PLEC: variants seen among roughly 807,000 people sequenced by gnomAD.
PLEC encodes plectin, also known as hemidesmosomal protein 1.
In PLEC, 216 loss-of-function variants were observed where a neutral mutation model predicts 392.8. That is an observed-to-expected ratio of 0.55 (90% CI 0.49 to 0.62). PLEC has a LOEUF of 0.62. Ranked by LOEUF, PLEC falls within the 20% of genes least tolerant of loss-of-function variation. The pLI, the probability that PLEC is intolerant of heterozygous loss-of-function variation, is 0.00. For synonymous variants in PLEC, 3,621 were observed against 2,980.6 expected, an observed-to-expected ratio of 1.21 and a Z score of -7.00; for missense variants, 6,863 against 6,563.4, an observed-to-expected ratio of 1.05 and a Z score of -1.58.
rs1470554282 is a variant in PLEC, at chr8:143,950,336, C to T, written c.371G>A (p.Gly124Asp). The change falls in exon 1 of 32, where the codon GGC (glycine) becomes GAC (aspartate). Residue 124 changes from glycine (G) to aspartate (D), a missense_variant. Gly to Asp is a moderately conservative substitution (Grantham distance 94, BLOSUM62 -1). Coordinates refer to the PLEC transcript ENST00000322810. ...CAGCGGCCCCCGCTTGGGTGGGGAG[C>T]CCAGGGGACCCTGCACAGCCTGCAC... 4 of 1,578,458 alleles carry T rather than the reference C, an allele frequency of 2.5e-6. No homozygotes were observed. In the African/African-American group the frequency reaches 4.0e-5, roughly 16 times the overall value.
At chr8:143,974,740 C>T (rs1554745466), upstream of PLEC, among the ~76,000 whole-genome samples, 2 of 152,236 alleles carry the variant, frequency 1.3e-5, no homozygotes, top group Non-Finnish European at 1.5e-5. The surrounding 1 kb of genome is among the most constrained non-coding windows in gnomAD (Gnocchi z 5.9). Context: ...CATCGTTCTC[C>T]CTGGATGGGG....
chr8:143,929,382 G>A, intron 24 of PLEC, 32 bp downstream of exon 24: 5 of 1,528,060 alleles, frequency 3.3e-6, no homozygotes, highest in South Asian at 2.3e-5. Flanking sequence ...TGGGGAGAGG[G>A]ATGGGACTGG....
chr8:143,937,634 A>C, intron 3 of PLEC: 1 of 495,700 alleles, frequency 2.0e-6, no homozygotes, highest in Non-Finnish European at 3.9e-6. Flanking sequence ...CCAACCACCT[A>C]CCCGCCCAAG....
upstream of PLEC, among the ~76,000 whole-genome samples, chr8:143,973,689 G>C (rs1431472643): frequency 2.0e-5 from 3 of 150,480 alleles, no homozygotes; most frequent in African/African-American, 7.3e-5. This position sits in a 1 kb window ranked among gnomAD's most constrained non-coding sequence, Gnocchi z 5.6. Flanking sequence ...GGTTCCGCGG[G>C]CTCCGAGTCC....
chr8:143,922,229 C>G lies in PLEC; in HGVS notation c.7592G>C (p.Arg2531Pro). The G allele has an allele frequency of 1.3e-6, 2 of 1,576,356 alleles. No individual in the cohort carries two copies. The highest frequency in any genetic ancestry group is 1.7e-6 in the Non-Finnish European group (2 of 1,164,038). Residue 2531 changes from arginine (R) to proline (P), a missense_variant, in exon 32 of 32, where the codon CGT becomes CCT. Arg to Pro is a moderately radical substitution (Grantham distance 103). Transcript: ENST00000345136. The part of the protein sequence containing the change: ...QDEVAKAQQL[R>P]EEQQRQQQQM... ...CTGCTGCTGCCGCTGCTGCTCCTCACGCAGCTGCTGTGCCTTGGCCACCTC... is the reference window on the plus strand; with the variant it reads ...CTGCTGCTGCCGCTGCTGCTCCTCAGGCAGCTGCTGTGCCTTGGCCACCTC...
chr8:143,916,184 A>G lies in PLEC; in HGVS notation c.13637T>C (p.Val4546Ala). 6.5e-7 allele frequency: 1 copy of G among 1,539,848 alleles called. No homozygotes were observed. Among genetic ancestry groups the G allele is most frequent in the Non-Finnish European group, 8.7e-7 (1 of 1,142,994 alleles). ...GGGTGGGCGCAGGCAGCCTCAGGCC[A>G]CGGCAGACTCAGGGCCCCCCAGGGA... ...SASLGGPESAVA is the reference protein window; with the variant it reads ...SASLGGPESAAA The change falls in exon 32 of 32, where the codon GTG becomes GCG. Residue 4546 changes from valine (V) to alanine (A), a missense_variant. Physicochemically the swap from Val to Ala is moderately conservative, Grantham distance 64 (BLOSUM62 0). Transcript: ENST00000345136.
At position 143,918,578 on chromosome 8, in the gene PLEC, A is replaced by G. The variant is rs781886530; in HGVS notation, c.11243T>C (p.Val3748Ala). 9.3e-6 allele frequency: 15 copies of G among 1,612,066 alleles called. No homozygotes were observed. The highest frequency in any genetic ancestry group is 1.3e-5 in the Non-Finnish European group (15 of 1,179,828). Reference protein sequence around the residue: ...KGERLTVDEAVRKGLVGPELH... With the variant: ...KGERLTVDEAARKGLVGPELH... ...CTCGGGCCCCACGAGGCCCTTCCGC[A>G]CAGCCTCATCCACAGTCAGCCGCTC... Residue 3748 changes from valine (V) to alanine (A), a missense_variant, in exon 32 of 32, where the codon GTG (valine) becomes GCG (alanine). By Grantham distance (64) the Val-to-Ala change is moderately conservative. Transcript: ENST00000345136.
In PLEC at chr8:143,922,408, A is replaced by G; in HGVS notation, c.7426-13T>C. 1 of 1,600,800 alleles carries G rather than the reference A, an allele frequency of 6.2e-7. No individual in the cohort carries two copies. Among genetic ancestry groups the G allele is most frequent in the South Asian group, 1.1e-5 (1 of 91,070 alleles). On this transcript the variant is annotated splice_polypyrimidine_tract_variant and intron_variant, in intron 31 of 31. Coordinates refer to ENST00000345136, the MANE Select transcript of PLEC (RefSeq NM_201384.3). The stretch of plus-strand genomic sequence containing the variant: ...GCACCGTCTGCATCTGCAGAAGAAG[A>G]GGGTGTGATCAGGGACCGCCAGCCC...
At position 143,932,888 on chromosome 8, in the gene PLEC, G is replaced by A. The variant is rs781930375; in HGVS notation, c.1642C>T (p.Leu548=). 1 of 1,612,534 alleles carries A rather than the reference G, an allele frequency of 6.2e-7. No individual in the cohort carries two copies. Among genetic ancestry groups the A allele is most frequent in the Non-Finnish European group, 8.5e-7 (1 of 1,179,900 alleles). The stretch of plus-strand genomic sequence containing the variant: ...CCCAGCTGCGCCTCCACGCTGGGCA[G>A]GTCCACACCCCACTCAGCGCCATCC... ...RVDGAEWGVD[L]PSVEAQLGSH... is the part of the protein sequence containing the mutation. The change falls in exon 14 of 32, where the codon CTG becomes TTG. Residue 548 remains leucine (L), a synonymous_variant. Coordinates refer to ENST00000345136, the MANE Select transcript of PLEC (RefSeq NM_201384.3).
rs1554720574 is a variant in PLEC, at chr8:143,934,321, T to G, written c.1166A>C (p.Glu389Ala). Residue 389 changes from glutamate (E) to alanine (A), a missense_variant, in exon 11 of 32, where the codon GAG (glutamate) becomes GCG (alanine). By Grantham distance (107) the Glu-to-Ala change is moderately radical. Coordinates refer to ENST00000345136, the MANE Select transcript of PLEC (RefSeq NM_201384.3). ...EREKQLRSEF[E>A]RLECLQRIVT... ...GCCACCACAGGGCCCCACCCACCTC[T>G]CAAACTCGCTGCGGAGCTGCTTCTC... 2 of 1,611,998 alleles carry G rather than the reference T, an allele frequency of 1.2e-6. No homozygotes were observed. Among genetic ancestry groups the G allele is most frequent in the South Asian group, 2.2e-5 (2 of 91,072 alleles).
intron 1 of PLEC, among the ~76,000 whole-genome samples, chr8:143,949,916 G>A (rs1032348015): frequency 6.6e-6 from 1 of 152,150 alleles, no homozygotes; most frequent in African/African-American, 2.4e-5. Context: ...TGGAGAGAGG[G>A]GAGGGGGCGC....
rs1054609480 is a variant in PLEC, at chr8:143,969,646, C to A, written c.70+3757G>T. 6.6e-6 allele frequency among the ~76,000 whole-genome samples: 1 copy of A among 151,994 alleles called. No homozygotes were observed. The highest frequency in any genetic ancestry group is 2.1e-4 in the South Asian group (1 of 4,816). Reference sequence around the variant, plus strand: ...AGGCGGTCAGTGAAGAAAGAAAGAGCGGCCCAGCAGCAGTCCAGCGTTGTG... The same window carrying A: ...AGGCGGTCAGTGAAGAAAGAAAGAGAGGCCCAGCAGCAGTCCAGCGTTGTG... On this transcript the variant is annotated intron_variant, in intron 1 of 31. Coordinates refer to the PLEC transcript ENST00000356346. The surrounding 1 kb of genome is among the most constrained non-coding windows in gnomAD (Gnocchi z 5.1).
chr8:143,929,973 C>A lies in PLEC; in HGVS notation c.2702G>T (p.Arg901Leu). 6.2e-7 allele frequency: 1 copy of A among 1,611,454 alleles called. No homozygotes were observed. The highest frequency in any genetic ancestry group is 8.5e-7 in the Non-Finnish European group (1 of 1,179,556). Residue 901 changes from arginine to leucine, a missense_variant, in exon 22 of 32, where the codon CGC becomes CTC. By Grantham distance (102) the Arg-to-Leu change is moderately radical. Coordinates refer to ENST00000345136, the MANE Select transcript of PLEC (RefSeq NM_201384.3). ...KSLLAWQSLR[R>L]DVQLIRSWSL... Reference sequence around the variant, plus strand: ...CCAGGAGCGGATGAGCTGCACGTCGCGGCGAAGGCTCTGCCAGGCCAGAAG... The same window carrying A: ...CCAGGAGCGGATGAGCTGCACGTCGAGGCGAAGGCTCTGCCAGGCCAGAAG...
chr8:143,916,752 A>G lies in PLEC; in HGVS notation c.13069T>C (p.Cys4357Arg), dbSNP rs1820704216. 14 of 1,613,252 alleles carry G rather than the reference A, an allele frequency of 8.7e-6. No individual in the cohort carries two copies. In the East Asian group the frequency reaches 2.9e-4, roughly 33 times the overall value. ...TTGGTGCGTGGGTCCTCGAAGCCGCAGAAGGCCTTCTGGGCCAGGTTGATG... is the reference window on the plus strand; with the variant it reads ...TTGGTGCGTGGGTCCTCGAAGCCGCGGAAGGCCTTCTGGGCCAGGTTGATG... ...DRINLAQKAF[C>R]GFEDPRTKTK... The change falls in exon 32 of 32, where the codon TGC (cysteine) becomes CGC (arginine). Residue 4357 changes from cysteine to arginine, a missense_variant. Transcript: ENST00000345136.
At position 143,969,809 on chromosome 8, in the gene PLEC, G is replaced by T. The variant is rs936057413; in HGVS notation, c.70+3594C>A. ...GATGGGAGTGGGGCTTAGGGGTGCT[G>T]TGAGGTGGTCCTGGAGAGGGCAGCA... is the stretch of plus-strand genomic sequence containing the variant. On this transcript the variant is annotated intron_variant, in intron 1 of 31. Transcript: ENST00000356346. This position sits in a 1 kb window ranked among gnomAD's most constrained non-coding sequence, Gnocchi z 5.1. Among the ~76,000 whole-genome samples, 1 of 151,992 alleles carries T rather than the reference G, an allele frequency of 6.6e-6. No individual in the cohort carries two copies. Among genetic ancestry groups the T allele is most frequent in the Non-Finnish European group, 1.5e-5 (1 of 67,986 alleles).
Position 143,923,394 on chromosome 8 carries a change from G to A in PLEC, c.6535C>T (p.Arg2179Trp), listed in dbSNP as rs372371569. 4.3e-5 allele frequency: 69 copies of A among 1,610,440 alleles called. No individual in the cohort carries two copies. Among genetic ancestry groups the A allele is most frequent in the Admixed American group, 2.3e-4 (14 of 59,916 alleles). Residue 2179 changes from arginine (R) to tryptophan (W), a missense_variant, in exon 31 of 32, where the codon CGG becomes TGG. Coordinates refer to ENST00000345136, the MANE Select transcript of PLEC (RefSeq NM_201384.3). ...TCCTGCTCCACCTGCGCCTTCTGCCGCAGCGTCTGCTCGGCGAATTTCTTA... is the reference window on the plus strand; with the variant it reads ...TCCTGCTCCACCTGCGCCTTCTGCCACAGCGTCTGCTCGGCGAATTTCTTA... ...KHKKFAEQTL[R>W]QKAQVEQELT... is the part of the protein sequence containing the mutation.
At position 143,933,190 on chromosome 8, in the gene PLEC, G is replaced by A. The variant is rs1286131810; in HGVS notation, c.1418+7C>T. 6.2e-7 allele frequency: 1 copy of A among 1,611,932 alleles called. No individual in the cohort carries two copies. Among genetic ancestry groups the A allele is most frequent in the African/African-American group, 1.3e-5 (1 of 74,894 alleles). ...CTGGGCTTCAGGGAGGGCAGGGCGGGGCCCACCTGCGGTACATCTGCTCGC... is the reference window on the plus strand; with the variant it reads ...CTGGGCTTCAGGGAGGGCAGGGCGGAGCCCACCTGCGGTACATCTGCTCGC... On this transcript the variant is annotated splice_region_variant and intron_variant, in intron 13 of 31. Transcript: ENST00000345136.
In PLEC at chr8:143,932,523, C is replaced by A; in HGVS notation, c.1854G>T (p.Leu618Phe). The change falls in exon 16 of 32, where the codon TTG becomes TTT. Residue 618 changes from leucine (L) to phenylalanine (F), a missense_variant. Transcript: ENST00000345136. Reference protein sequence around the residue: ...SKARLRSLESLHSFVAAATKE... With the variant: ...SKARLRSLESFHSFVAAATKE... ...TAGTGGCGGCTGCCACAAAGCTGTG[C>A]AAGCTCTCCAGGGACCTGAGGCGGG... 1 of 1,612,644 alleles carries A rather than the reference C, an allele frequency of 6.2e-7. No individual in the cohort carries two copies. Among genetic ancestry groups the A allele is most frequent in the Non-Finnish European group, 8.5e-7 (1 of 1,179,968 alleles).
chr8:143,942,499 C>A (rs1462538059), upstream of PLEC: 2 of 1,581,196 alleles, frequency 1.3e-6, no homozygotes, highest in African/African-American at 2.7e-5. Flanking sequence ...GGCAAAGGCG[C>A]CCCCCGCCCC....
Sources: gnomAD v4.1 joint callset for allele counts (sites outside exome capture counted in the v4.1 genomes callset) on GRCh38, gnomAD v4.1.1 for gene constraint, Gnocchi (gnomAD v3.1) non-coding constraint, MANE v1.5 for transcripts, NCBI Gene and HGNC (gene_info 2026-07-23, HGNC 2026-07-21) for gene names.